Variants in CHST11 observed in about 807,000 individuals in gnomAD.
The protein encoded by CHST11 is C4S-1.
In CHST11, 9 loss-of-function variants were observed where a neutral mutation model predicts 30.4. The ratio of observed to expected loss-of-function variants is 0.30; its 90% CI spans 0.18 to 0.52. The LOEUF is 0.52. Among genes scored for constraint, CHST11 ranks in the 20% least tolerant of loss-of-function variants. CHST11 has a pLI of 0.97. For synonymous variants in CHST11, 152 were observed against 187.8 expected (o/e 0.81, Z 1.56); for missense variants, 348 against 460.6 (o/e 0.76, Z 2.24).
chr12:104,666,039 T>C (rs569043084), intron 2 of CHST11, among the ~76,000 whole-genome samples: 86 of 152,050 alleles, frequency 5.7e-4, no homozygotes, highest in African/African-American at 1.9e-3. Context: ...AGGATGGTCT[T>C]GATCTCCCGA....
At chr12:104,488,549 G>A (rs1031119747) in intron 1 of CHST11, among the ~76,000 whole-genome samples, 5 of 144,028 alleles carry the variant, frequency 3.5e-5, no homozygotes, top group Non-Finnish European at 6.2e-5. Flanking sequence ...GTATGTGTGC[G>A]TGTATGTGTG....
chr12:104,493,217 A>G (rs1333068192), intron 1 of CHST11, among the ~76,000 whole-genome samples: 2 of 152,244 alleles, frequency 1.3e-5, no homozygotes, highest in Non-Finnish European at 1.5e-5. Flanking sequence ...AGCAATGCAG[A>G]TGGCCTCAGC....
At chr12:104,720,486 G>A (rs913373864) in intron 2 of CHST11, among the ~76,000 whole-genome samples, 1 of 152,194 alleles carries the variant, frequency 6.6e-6, no homozygotes, top group East Asian at 1.9e-4. Context: ...AGGACCTAGG[G>A]CTGGACGGCA....
chr12:104,669,175 G>T (rs1057226212), intron 2 of CHST11, among the ~76,000 whole-genome samples: 1 of 152,090 alleles, frequency 6.6e-6, no homozygotes, highest in Non-Finnish European at 1.5e-5. Flanking sequence ...GAATGTTCCC[G>T]GGCAGCCAGA....
Position 104,600,066 on chromosome 12 carries a change from G to A in CHST11, c.119-1840G>A, listed in dbSNP as rs1309399855. Among the ~76,000 whole-genome samples the A allele has an allele frequency of 6.6e-6, 1 of 152,170 alleles. No homozygotes were observed. The highest frequency in any genetic ancestry group is 1.5e-5 in the Non-Finnish European group (1 of 68,018). ...CCTAAATACTGTTTGGCCCCTTACA[G>A]AAAATTTTGCTGACCCCTGCCCTAG... is the stretch of plus-strand genomic sequence containing the variant. On this transcript the variant is annotated intron_variant, in intron 1 of 2. Transcript: ENST00000303694. This position sits in a 1 kb window ranked among gnomAD's most constrained non-coding sequence, Gnocchi z 4.1.
chr12:104,717,728 G>A (rs527598907), intron 2 of CHST11, among the ~76,000 whole-genome samples: 3 of 152,186 alleles, frequency 2.0e-5, no homozygotes, highest in Admixed American at 1.3e-4. Flanking sequence ...CCGATATCAC[G>A]CCACTGCACT....
intron 1 of CHST11, among the ~76,000 whole-genome samples, chr12:104,545,504 G>C (rs1296069722): frequency 6.6e-6 from 1 of 152,214 alleles, no homozygotes; most frequent in Non-Finnish European, 1.5e-5. Flanking sequence ...ATGCTTGGCT[G>C]ATTGATGGAA....
chr12:104,554,809 G>A (rs960670972), intron 1 of CHST11, among the ~76,000 whole-genome samples: 1 of 152,224 alleles, frequency 6.6e-6, no homozygotes, highest in African/African-American at 2.4e-5. Context: ...CTGACCGCAT[G>A]TGGTTCTCTT....
chr12:104,756,969 T>G lies in CHST11; in HGVS notation c.225T>G (p.Ala75=), dbSNP rs191786628. The G allele has an allele frequency of 2.7e-4, 442 of 1,613,454 alleles. 1 individual carries two copies. Among genetic ancestry groups the G allele is most frequent in the Non-Finnish European group, 3.6e-4 (421 of 1,179,884 alleles). Reference sequence around the variant, plus strand: ...TGCAGCTGGAGCTCTCAAACACTGCTGTCCTGCACCAGATGCGGCGGGACC... The same window carrying G: ...TGCAGCTGGAGCTCTCAAACACTGCGGTCCTGCACCAGATGCGGCGGGACC... ...NPIQLELSNT[A]VLHQMRRDQV... The change falls in exon 3 of 3, where the codon GCT becomes GCG. Residue 75 remains alanine, a synonymous_variant. Coordinates refer to ENST00000303694, the MANE Select transcript of CHST11 (RefSeq NM_018413.6).
chr12:104,540,023 C>T (rs2038272325), intron 1 of CHST11, among the ~76,000 whole-genome samples: 1 of 152,122 alleles, frequency 6.6e-6, no homozygotes, highest in Admixed American at 6.5e-5. Context: ...GTGCCTCCTC[C>T]CATATACTTT....
chr12:104,636,293 C>T (rs2039322713), intron 2 of CHST11, among the ~76,000 whole-genome samples: 1 of 152,198 alleles, frequency 6.6e-6, no homozygotes, highest in African/African-American at 2.4e-5. Context: ...CTCTCTAACT[C>T]AAAGACACAT....
At chr12:104,689,619 C>T (rs1204661967) in intron 2 of CHST11, among the ~76,000 whole-genome samples, 2 of 152,182 alleles carry the variant, frequency 1.3e-5, no homozygotes, top group Admixed American at 1.3e-4. Context: ...TATACCAGTG[C>T]CCAAGGCGGC....
At chr12:104,647,197 G>A (rs2039442313) in intron 2 of CHST11, among the ~76,000 whole-genome samples, 1 of 152,194 alleles carries the variant, frequency 6.6e-6, no homozygotes, top group African/African-American at 2.4e-5. Flanking sequence ...CGATTCTCTG[G>A]TTCTCTGGAG....
At chr12:104,502,465 GAAA>G (rs1187587355) in intron 1 of CHST11, among the ~76,000 whole-genome samples, 1 of 151,974 alleles carries the variant, frequency 6.6e-6, no homozygotes, top group Non-Finnish European at 1.5e-5. Flanking sequence ...TTGCTGTGGG[GAAA>G]AAAAGTCATC....
Position 104,458,762 on chromosome 12 carries a change from G to C in CHST11, c.118+1233G>C, listed in dbSNP as rs1401331264. 6.6e-6 allele frequency among the ~76,000 whole-genome samples: 1 copy of C among 152,256 alleles called. No individual in the cohort carries two copies. Among genetic ancestry groups the C allele is most frequent in the East Asian group, 1.9e-4 (1 of 5,196 alleles). ...CTTTTCTAATTGCAAGGAGGAGGGAGGTGGAAACGCATTTCCTTCCAGGGA... is the reference window on the plus strand; with the variant it reads ...CTTTTCTAATTGCAAGGAGGAGGGACGTGGAAACGCATTTCCTTCCAGGGA... On this transcript the variant is annotated intron_variant, in intron 1 of 2. Transcript: ENST00000303694. This position sits in a 1 kb window ranked among gnomAD's most constrained non-coding sequence, Gnocchi z 5.7.
intron 1 of CHST11, among the ~76,000 whole-genome samples, chr12:104,586,970 T>C (rs1191025208): frequency 6.6e-6 from 1 of 152,192 alleles, no homozygotes. Context: ...AGCAATAAAG[T>C]TCTTCTACTA....
At chr12:104,499,415 T>TA (rs5800623) in intron 1 of CHST11, among the ~76,000 whole-genome samples, 95,507 of 151,336 alleles carry the variant, frequency 0.63, 30,852 homozygotes, top group African/African-American at 0.76. Flanking sequence ...CAAATCCAGG[T>TA]CCTGGGCTGT....
intron 1 of CHST11, among the ~76,000 whole-genome samples, chr12:104,575,402 A>T (rs1222317033): frequency 6.6e-6 from 1 of 152,148 alleles, no homozygotes; most frequent in Non-Finnish European, 1.5e-5. Flanking sequence ...GGAACTGGGG[A>T]CAGGGATGAG....
chr12:104,564,835 G>A (rs1375448156), intron 1 of CHST11, among the ~76,000 whole-genome samples: 8 of 152,336 alleles, frequency 5.3e-5, no homozygotes, highest in African/African-American at 1.2e-4. Flanking sequence ...GATGGTGGAA[G>A]GTGAAGGAGG....
Sources: allele counts gnomAD v4.1 joint callset (sites outside exome capture counted in the v4.1 genomes callset), GRCh38; gene constraint gnomAD v4.1.1; non-coding constraint Gnocchi (gnomAD v3.1); transcripts MANE v1.5; gene names NCBI Gene and HGNC (gene_info 2026-07-23, HGNC 2026-07-21).